The following EYS variants were observed in gnomAD, a reference collection of about 807,000 sequenced individuals.
The protein encoded by EYS is EGF-like photoreceptor maintenance factor.
EYS carries 250 observed loss-of-function variants against 282.1 expected under a neutral mutation model. That is an observed-to-expected ratio of 0.89 (90% CI 0.80 to 0.98). The LOEUF is 0.98. Ranked by LOEUF, EYS falls within the 50% of genes least tolerant of loss-of-function variation. The probability of loss-of-function intolerance (pLI) is 0.00; values close to 1 mark genes in which losing one functional copy is unlikely to be tolerated. For missense variants in EYS, 4,016 were observed against 3,709.0 expected (o/e 1.08, Z -2.15); for synonymous variants, 1,355 against 1,282.9 (o/e 1.06, Z -1.20).
rs570409293 is a variant in EYS at position 64,085,335 on chromosome 6, C to T, written c.6425-3333G>A. ...CCAGACGCGCGCGCGTGCGCACGTG[C>T]GCGCGCACACACACACACACACACA... On this transcript the variant is annotated intron_variant, in intron 31 of 42. Transcript: ENST00000503581. Among the ~76,000 whole-genome samples, 514 of 131,018 alleles carry T rather than the reference C, an allele frequency of 3.9e-3. 2 individuals are homozygous for T. The highest frequency in any genetic ancestry group is 6.0e-3 in the Non-Finnish European group (369 of 61,540). The allele number at this position is 131,018 out of a possible 152,430, so 86.0% of individuals were successfully genotyped here.
intron 36 of EYS, among the ~76,000 whole-genome samples, chr6:63,835,676 T>G (rs1270791818): frequency 2.0e-5 from 3 of 152,016 alleles, no homozygotes; most frequent in Non-Finnish European, 4.4e-5. Flanking sequence ...AAATAACCAC[T>G]AAAGAACTTA....
chr6:64,482,297 G>C (rs569366040), intron 26 of EYS, among the ~76,000 whole-genome samples: 2 of 151,716 alleles, frequency 1.3e-5, no homozygotes, highest in East Asian at 3.9e-4. Flanking sequence ...ACTGGGGAGT[G>C]GATGTTGGGG....
intron 13 of EYS, among the ~76,000 whole-genome samples, chr6:65,031,573 A>G (rs1204881512): frequency 1.3e-5 from 2 of 152,198 alleles, no homozygotes; most frequent in Non-Finnish European, 2.9e-5. Flanking sequence ...AATACCAGAA[A>G]GATCTCTCAA....
intron 29 of EYS, among the ~76,000 whole-genome samples, chr6:64,314,734 A>T (rs781671334): frequency 2.0e-5 from 3 of 152,212 alleles, no homozygotes; most frequent in Non-Finnish European, 4.4e-5. Context: ...AACCAATGAG[A>T]ACAAAGACAC....
At chr6:64,190,177 C>G (rs763321354) in intron 31 of EYS, among the ~76,000 whole-genome samples, 2 of 152,208 alleles carry the variant, frequency 1.3e-5, no homozygotes, top group South Asian at 4.1e-4. Context: ...CGCTAGAGAA[C>G]CATCTAGTAC....
intron 12 of EYS, among the ~76,000 whole-genome samples, chr6:65,115,406 G>A (rs1221205385): frequency 2.0e-5 from 3 of 151,702 alleles, no homozygotes; most frequent in Non-Finnish European, 4.4e-5. Context: ...TTTTGCTCAT[G>A]TCCCCACTTC....
chr6:65,469,326 A>G (rs1765122972), intron 5 of EYS, among the ~76,000 whole-genome samples: 1 of 152,004 alleles, frequency 6.6e-6, no homozygotes, highest in African/African-American at 2.4e-5. Context: ...CAAACTGAAA[A>G]CGTTTAAAAC....
At chr6:64,339,491 T>G (rs1001488777) in intron 29 of EYS, among the ~76,000 whole-genome samples, 1 of 151,582 alleles carries the variant, frequency 6.6e-6, no homozygotes, top group African/African-American at 2.4e-5. Context: ...GATGTTGGAG[T>G]GATGTGATGA....
chr6:64,350,567 T>C (rs1051331255), intron 29 of EYS, among the ~76,000 whole-genome samples: 3 of 151,566 alleles, frequency 2.0e-5, no homozygotes, highest in African/African-American at 7.3e-5. Flanking sequence ...GTCACACATC[T>C]GCCTACACTA....
intron 41 of EYS, chr6:63,742,029 T>G: frequency 1.4e-6 from 1 of 700,228 alleles, no homozygotes; most frequent in Non-Finnish European, 2.6e-6. Context: ...TGGCTCTTTA[T>G]CAGCAGTCTA....
chr6:64,315,341 A>G (rs1054263464), intron 29 of EYS, among the ~76,000 whole-genome samples: 2 of 152,200 alleles, frequency 1.3e-5, no homozygotes, highest in African/African-American at 4.8e-5. Context: ...AGAGGTACAA[A>G]GAGGAGCTGG....
intron 12 of EYS, among the ~76,000 whole-genome samples, chr6:65,173,020 G>A (rs1478779124): frequency 6.6e-6 from 1 of 150,814 alleles, no homozygotes; most frequent in Non-Finnish European, 1.5e-5. Context: ...TAAGAAACAT[G>A]AATTTTAATT....
rs375415050 is a variant in EYS at position 64,776,031 on chromosome 6, G to C, written c.3443+37347C>G. 3.9e-5 allele frequency among the ~76,000 whole-genome samples: 6 copies of C among 152,082 alleles called. No individual in the cohort carries two copies. The East Asian group carries it at 9.7e-4, about 24-fold the overall frequency. ...GCCAAACAGGACCTGCTACAGGATTGCTGATGTCTATAAAAATGCAGAAAG... is the reference window on the plus strand; with the variant it reads ...GCCAAACAGGACCTGCTACAGGATTCCTGATGTCTATAAAAATGCAGAAAG... On this transcript the variant is annotated intron_variant, in intron 22 of 42. Transcript: ENST00000503581.
chr6:64,290,008 A>G (rs1018456809), intron 30 of EYS, among the ~76,000 whole-genome samples: 9 of 152,094 alleles, frequency 5.9e-5, no homozygotes, highest in East Asian at 1.9e-4. Context: ...TAAAGGCACT[A>G]TCTACTGTAC....
chr6:64,314,103 G>T (rs1342236650), intron 29 of EYS, among the ~76,000 whole-genome samples: 8 of 146,798 alleles, frequency 5.4e-5, no homozygotes, highest in Admixed American at 4.9e-4. Context: ...ACCCTTCGCT[G>T]TGCTGTATTC....
rs146693144 is a variant in EYS, at chr6:64,027,033, G to A, written c.6726-27850C>T. 7.1e-3 allele frequency among the ~76,000 whole-genome samples: 1,088 copies of A among 152,202 alleles called. 16 individuals carry two copies. Among genetic ancestry groups the A allele is most frequent in the African/African-American group, 0.024 (994 of 41,524 alleles). On this transcript the variant is annotated intron_variant, in intron 33 of 42. Transcript: ENST00000503581. ...CGCTGGCCTTTAATGAAAAGAATGCGGCTTTAGCTGCAGCCTGAGAGTTTG... is the reference window on the plus strand; with the variant it reads ...CGCTGGCCTTTAATGAAAAGAATGCAGCTTTAGCTGCAGCCTGAGAGTTTG...
At chr6:65,427,332 G>A (rs1226659327) in intron 5 of EYS, among the ~76,000 whole-genome samples, 1 of 151,968 alleles carries the variant, frequency 6.6e-6, no homozygotes, top group Non-Finnish European at 1.5e-5. Flanking sequence ...ATGATGAAGA[G>A]TCTCCTTGTG....
chr6:64,938,332 T>C (rs927169773), intron 15 of EYS, among the ~76,000 whole-genome samples: 1 of 150,302 alleles, frequency 6.7e-6, no homozygotes, highest in Non-Finnish European at 1.5e-5. Context: ...TATAATAAGA[T>C]ATTTTGAGAG....
chr6:64,547,628 G>A (rs949977591), intron 26 of EYS, among the ~76,000 whole-genome samples: 2 of 152,224 alleles, frequency 1.3e-5, no homozygotes, highest in Non-Finnish European at 2.9e-5. Context: ...GGTTCTCCAA[G>A]TTGCCACCAA....
Sources: allele counts gnomAD v4.1 joint callset (sites outside exome capture counted in the v4.1 genomes callset), GRCh38; gene constraint gnomAD v4.1.1; transcripts MANE v1.5; gene names NCBI Gene and HGNC (gene_info 2026-07-23, HGNC 2026-07-21).